EHBP1: variants seen among roughly 807,000 people sequenced by gnomAD.
EHBP1 encodes the protein EH domain binding protein 1.
Under a neutral mutation model 144.0 loss-of-function variants are expected in EHBP1, and 55 were observed. The observed-to-expected ratio is 0.38, with a 90% CI of 0.31 to 0.48. EHBP1 has a LOEUF of 0.48. EHBP1 is among the 20% of genes least tolerant of loss of function. EHBP1 has a pLI of 0.98. For synonymous variants in EHBP1, 469 were observed against 472.7 expected (o/e 0.99, Z 0.10); for missense variants, 1,200 against 1,364.2 (o/e 0.88, Z 1.90).
intron 5 of EHBP1, among the ~76,000 whole-genome samples, chr2:62,820,736 TAATA>T (rs2045901309): frequency 1.4e-5 from 1 of 72,814 alleles, no homozygotes; most frequent in Non-Finnish European, 2.6e-5. Context: ...TGTGTGTGTA[TAATA>T]TATATATATA....
intron 1 of EHBP1, among the ~76,000 whole-genome samples, chr2:62,691,935 C>A (rs1249177124): frequency 6.6e-6 from 1 of 152,028 alleles, no homozygotes; most frequent in Non-Finnish European, 1.5e-5. Flanking sequence ...TACAGTATCT[C>A]CTAGTAATAG....
In EHBP1 at chr2:62,826,288, T is replaced by C. The variant is rs758307929; in HGVS notation, c.494+20T>C. ...AGCCACGTAAGTTTCTTTTGTCAAATAAGCTTCCTTACATTGTGTTTCAGT... is the reference window on the plus strand; with the variant it reads ...AGCCACGTAAGTTTCTTTTGTCAAACAAGCTTCCTTACATTGTGTTTCAGT... On this transcript the variant is annotated intron_variant, in intron 6 of 22. Coordinates refer to ENST00000431489, the MANE Select transcript of EHBP1 (RefSeq NM_001142616.3). 6 of 1,576,168 alleles carry C rather than the reference T, an allele frequency of 3.8e-6. No homozygotes were observed. The highest frequency in any genetic ancestry group is 5.2e-6 in the Non-Finnish European group (6 of 1,163,460).
intron 2 of EHBP1, among the ~76,000 whole-genome samples, chr2:62,708,906 G>C (rs1009082495): frequency 2.2e-4 from 34 of 152,034 alleles, no homozygotes; most frequent in African/African-American, 7.0e-4. Context: ...TGTAGGATTG[G>C]GGGGCATGCA....
chr2:62,738,559 G>A (rs536536695), intron 2 of EHBP1, among the ~76,000 whole-genome samples: 1 of 152,194 alleles, frequency 6.6e-6, no homozygotes, highest in South Asian at 2.1e-4. Flanking sequence ...GCTCCACTTT[G>A]GAAAGGTCTG....
chr2:63,026,207 G>A (rs2060965534), intron 19 of EHBP1, among the ~76,000 whole-genome samples: 1 of 151,852 alleles, frequency 6.6e-6, no homozygotes, highest in African/African-American at 2.4e-5. Context: ...CACTCTGCTG[G>A]GAGGAATCAC....
chr2:62,955,228 A>G (rs943676161), intron 13 of EHBP1, among the ~76,000 whole-genome samples: 11 of 152,174 alleles, frequency 7.2e-5, no homozygotes, highest in African/African-American at 2.7e-4. Context: ...TACTGAGAAT[A>G]TATAGAATAT....
intron 10 of EHBP1, among the ~76,000 whole-genome samples, chr2:62,909,765 C>A (rs1458229769): frequency 6.6e-6 from 1 of 151,658 alleles, no homozygotes; most frequent in East Asian, 1.9e-4. Context: ...TTTGTTTGTT[C>A]ATTTATTTTT....
At chr2:62,946,118 A>AT (rs1234207961) in intron 12 of EHBP1, among the ~76,000 whole-genome samples, 1 of 152,190 alleles carries the variant, frequency 6.6e-6, no homozygotes, top group African/African-American at 2.4e-5. Context: ...AAAATAAACC[A>AT]TTTTTTAAAG....
intron 2 of EHBP1, among the ~76,000 whole-genome samples, chr2:62,741,312 C>T (rs541918666): frequency 2.0e-5 from 3 of 152,236 alleles, no homozygotes; most frequent in South Asian, 2.1e-4. Context: ...CTTCTTGTAA[C>T]GCCTCTCGTG....
chr2:63,030,528 C>T (rs1166031169), intron 19 of EHBP1, among the ~76,000 whole-genome samples: 1 of 151,966 alleles, frequency 6.6e-6, no homozygotes, highest in Non-Finnish European at 1.5e-5. Context: ...CGCTCTATCG[C>T]CCAGGCTGGA....
intron 7 of EHBP1, among the ~76,000 whole-genome samples, chr2:62,841,288 A>G (rs1051931034): frequency 4.6e-4 from 67 of 145,824 alleles, no homozygotes; most frequent in African/African-American, 1.7e-3. Context: ...GGAACTGAAC[A>G]ATGAGATCAC....
chr2:62,813,240 T>C (rs571519410), intron 5 of EHBP1, among the ~76,000 whole-genome samples: 32 of 152,322 alleles, frequency 2.1e-4, no homozygotes, highest in African/African-American at 7.7e-4. Flanking sequence ...CTGCTTGTGC[T>C]GCATCTCTGC....
chr2:62,938,728 A>G (rs1046172005), intron 10 of EHBP1, among the ~76,000 whole-genome samples: 1 of 152,144 alleles, frequency 6.6e-6, no homozygotes, highest in Non-Finnish European at 1.5e-5. Flanking sequence ...TACATTGCCA[A>G]GCATTACAAG....
upstream of EHBP1, among the ~76,000 whole-genome samples, chr2:62,701,499 G>A (rs2034280510): frequency 6.6e-6 from 1 of 152,072 alleles, no homozygotes; most frequent in African/African-American, 2.4e-5. Context: ...CAACAGGTTA[G>A]GCTTTTGAAA....
intron 9 of EHBP1, among the ~76,000 whole-genome samples, chr2:62,873,525 A>G (rs1201266238): frequency 6.6e-6 from 1 of 152,148 alleles, no homozygotes; most frequent in Non-Finnish European, 1.5e-5. Flanking sequence ...TATTTCAAAG[A>G]GAATAGAGAA....
At chr2:62,972,590 AC>A (rs1403816926) in intron 14 of EHBP1, among the ~76,000 whole-genome samples, 2 of 152,162 alleles carry the variant, frequency 1.3e-5, no homozygotes, top group Non-Finnish European at 2.9e-5. Flanking sequence ...TTAACAATTA[AC>A]TTTTATTTTC....
chr2:62,757,744 T>C (rs547956700), intron 3 of EHBP1, among the ~76,000 whole-genome samples: 1 of 152,296 alleles, frequency 6.6e-6, no homozygotes, highest in African/African-American at 2.4e-5. Flanking sequence ...ACAATAATCA[T>C]TTCTTTTTGG....
At chr2:62,680,284 T>C (rs148478738) in intron 1 of EHBP1, among the ~76,000 whole-genome samples, 11 of 152,298 alleles carry the variant, frequency 7.2e-5, no homozygotes, top group African/African-American at 2.4e-4. Context: ...TTCATCCTCA[T>C]CCCTCACACT....
At chr2:62,784,520 G>A (rs1398014577) in intron 5 of EHBP1, among the ~76,000 whole-genome samples, 2 of 152,208 alleles carry the variant, frequency 1.3e-5, no homozygotes, top group African/African-American at 4.8e-5. Context: ...GAGGCAGGTG[G>A]CAGGCCCCTT....
Sources: gnomAD v4.1 joint callset for allele counts (sites outside exome capture counted in the v4.1 genomes callset) on GRCh38, gnomAD v4.1.1 for gene constraint, MANE v1.5 for transcripts, NCBI Gene and HGNC (gene_info 2026-07-23, HGNC 2026-07-21) for gene names.